AMMECR1: variants seen among roughly 807,000 people sequenced by gnomAD.
AMMECR1 encodes nuclear protein AMMECR1.
Under a neutral mutation model 22.5 loss-of-function variants are expected in AMMECR1, and 3 were observed. The observed-to-expected ratio is 0.13, with a 90% CI of 0.06 to 0.35. The LOEUF is 0.35. AMMECR1 is among the 10% of genes least tolerant of loss of function. AMMECR1 has a pLI of 1.00. For missense variants in AMMECR1, 235 were observed against 278.7 expected, an observed-to-expected ratio of 0.84 and a Z score of 1.12; for synonymous variants, 130 against 116.7, an observed-to-expected ratio of 1.11 and a Z score of -0.74.
chrX:110,336,698 CA>C (rs1218248929), intron 2 of AMMECR1, among the ~76,000 whole-genome samples: 266 of 97,106 alleles, frequency 2.7e-3, no homozygotes, highest in East Asian at 0.027. Context: ...GACTCCGTCT[CA>C]AAAAAAAAAA....
intron 1 of AMMECR1, among the ~76,000 whole-genome samples, chrX:110,437,504 A>G (rs993809341): frequency 8.0e-5 from 9 of 111,877 alleles, no homozygotes; most frequent in African/African-American, 2.6e-4. Flanking sequence ...CAGAATTTGC[A>G]CCCAAGTGGT....
chrX:110,350,498 G>T (rs962397129), intron 2 of AMMECR1, among the ~76,000 whole-genome samples: 1 of 111,665 alleles, frequency 9.0e-6, no homozygotes, highest in Non-Finnish European at 1.9e-5. Context: ...TGGAAAGGAA[G>T]AATTCAAATG....
intron 2 of AMMECR1, among the ~76,000 whole-genome samples, chrX:110,323,540 A>G (rs2068086789): frequency 8.9e-6 from 1 of 112,333 alleles, no homozygotes; most frequent in South Asian, 3.7e-4. Context: ...TTCAGTTCAC[A>G]TGATGTTTTC....
intron 2 of AMMECR1, among the ~76,000 whole-genome samples, chrX:110,369,464 A>G (rs2068322455): frequency 8.9e-6 from 1 of 112,450 alleles, no homozygotes; most frequent in Admixed American, 9.4e-5. Context: ...CAAGTAGTGA[A>G]AAGTATATTC....
intron 2 of AMMECR1, chrX:110,219,587 C>G (rs1016002311): frequency 4.0e-6 from 3 of 749,212 alleles, no homozygotes; most frequent in Admixed American, 1.8e-4. Flanking sequence ...TGACATGGAG[C>G]CTTGTTGTTT....
chrX:110,256,054 G>A (rs2067709543), intron 2 of AMMECR1, among the ~76,000 whole-genome samples: 1 of 112,066 alleles, frequency 8.9e-6, no homozygotes, highest in African/African-American at 3.2e-5. Flanking sequence ...TTCATTCTGA[G>A]AAATGCATCA....
intron 2 of AMMECR1, among the ~76,000 whole-genome samples, chrX:110,250,120 C>G (rs2067679703): frequency 8.9e-6 from 1 of 112,198 alleles, no homozygotes; most frequent in Non-Finnish European, 1.9e-5. Context: ...CATTTCATTA[C>G]AGGGTTCCTT....
At chrX:110,386,349 T>A (rs1314754621) in intron 2 of AMMECR1, among the ~76,000 whole-genome samples, 1 of 110,181 alleles carries the variant, frequency 9.1e-6, no homozygotes, top group Non-Finnish European at 1.9e-5. Context: ...ATATTTATTT[T>A]ATTTTTTATT....
rs747148901 is a variant in AMMECR1, at chrX:110,267,192, C to T, written c.474-2593G>A. 3.6e-5 allele frequency among the ~76,000 whole-genome samples: 4 copies of T among 110,978 alleles called. No homozygotes were observed. The Admixed American group carries it at 3.8e-4, about 11-fold the overall frequency. Reference sequence around the variant, plus strand: ...ATAGTAGAATGATTTATAATCTTTTCGGCATATACCCAGTAATGGGATTGC... The same window carrying T: ...ATAGTAGAATGATTTATAATCTTTTTGGCATATACCCAGTAATGGGATTGC... On this transcript the variant is annotated intron_variant, in intron 1 of 5. Transcript: ENST00000262844.
chrX:110,213,286 CT>C (rs2067456549), intron 3 of AMMECR1, among the ~76,000 whole-genome samples: 1 of 111,867 alleles, frequency 8.9e-6, no homozygotes, highest in African/African-American at 3.3e-5. Context: ...CCCCTAGCCC[CT>C]AGCAACTATT....
At chrX:110,343,276 T>C (rs937322397) in intron 2 of AMMECR1, among the ~76,000 whole-genome samples, 1 of 111,720 alleles carries the variant, frequency 9.0e-6, no homozygotes, top group Non-Finnish European at 1.9e-5. Context: ...GAAAAGGCCT[T>C]CGACAAAATT....
intron 1 of AMMECR1, among the ~76,000 whole-genome samples, chrX:110,430,391 A>G (rs2068787904): frequency 8.9e-6 from 1 of 112,637 alleles, no homozygotes; most frequent in Non-Finnish European, 1.9e-5. Flanking sequence ...AATTCTCACT[A>G]TGATGCTGTG....
At chrX:110,333,104 ACAAAAGGG>A (rs1469311416) in intron 2 of AMMECR1, among the ~76,000 whole-genome samples, 2 of 111,658 alleles carry the variant, frequency 1.8e-5, no homozygotes, top group Admixed American at 9.5e-5. Flanking sequence ...TTGGGTATGC[ACAAAAGGG>A]CATAGGACCT....
intron 2 of AMMECR1, among the ~76,000 whole-genome samples, chrX:110,331,144 AC>A (rs1341759885): frequency 9.3e-6 from 1 of 107,248 alleles, no homozygotes; most frequent in Non-Finnish European, 1.9e-5. Context: ...TATAAGGAGA[AC>A]CCCAAACTCT....
rs1225979151 is a variant in AMMECR1 at position 110,358,598 on chromosome X, T to A, written c.-147-40749A>T. 7.2e-5 allele frequency among the ~76,000 whole-genome samples: 8 copies of A among 111,562 alleles called. 1 individual carries two copies. Among genetic ancestry groups the A allele is most frequent in the Non-Finnish European group, 5.6e-5 (3 of 53,160 alleles). ...TACAGAGCCCTGATTCAAACTCTCTTTTGCTTGATTACAAAGCCATTGCTC... is the reference window on the plus strand; with the variant it reads ...TACAGAGCCCTGATTCAAACTCTCTATTGCTTGATTACAAAGCCATTGCTC... On this transcript the variant is annotated intron_variant, in intron 2 of 7. Coordinates refer to the AMMECR1 transcript ENST00000372057.
chrX:110,323,061 C>G (rs926317128), upstream of AMMECR1, among the ~76,000 whole-genome samples: 3 of 111,802 alleles, frequency 2.7e-5, no homozygotes, highest in African/African-American at 9.8e-5. Context: ...CAAGATTCCA[C>G]AAGGGATTCT....
intron 1 of AMMECR1, among the ~76,000 whole-genome samples, chrX:110,269,813 T>C (rs972456850): frequency 1.2e-4 from 13 of 111,988 alleles, no homozygotes; most frequent in African/African-American, 4.2e-4. Context: ...TCATATAAAC[T>C]ACAGATTCAA....
intron 2 of AMMECR1, among the ~76,000 whole-genome samples, chrX:110,399,179 C>T (rs1229170910): frequency 8.9e-6 from 1 of 112,468 alleles, no homozygotes; most frequent in Non-Finnish European, 1.9e-5. Context: ...TGTCTACTCA[C>T]TGCCAGGCAC....
chrX:110,275,753 C>T (rs2067822804), intron 1 of AMMECR1, among the ~76,000 whole-genome samples: 1 of 111,001 alleles, frequency 9.0e-6, no homozygotes, highest in Admixed American at 9.6e-5. Context: ...TCGCTTGAAC[C>T]CAGGGTGCGG....
Sources: gnomAD v4.1 joint callset for allele counts (sites outside exome capture counted in the v4.1 genomes callset) on GRCh38, gnomAD v4.1.1 for gene constraint, MANE v1.5 for transcripts, NCBI Gene and HGNC (gene_info 2026-07-23, HGNC 2026-07-21) for gene names.